Variants in HORMAD2 observed in about 807,000 individuals in gnomAD.
HORMAD2 encodes the protein HORMA domain-containing protein 2.
In HORMAD2, 45 loss-of-function variants were observed where a neutral mutation model predicts 38.8. That is an observed-to-expected ratio of 1.16 (90% CI 0.91 to 1.49). HORMAD2 has a LOEUF of 1.49. HORMAD2 is among the 40% of genes most tolerant of loss of function. HORMAD2 has a pLI of 0.00. For missense variants in HORMAD2, 338 were observed against 367.0 expected (o/e 0.92, Z 0.65); for synonymous variants, 126 against 122.8 (o/e 1.03, Z -0.17).
chr22:30,157,342 T>G (rs1022428913), intron 10 of HORMAD2, among the ~76,000 whole-genome samples: 4 of 152,192 alleles, frequency 2.6e-5, no homozygotes, highest in Non-Finnish European at 5.9e-5. Flanking sequence ...TACTTTATAT[T>G]TATGTAGTGT....
Position 30,127,220 on chromosome 22 carries a change from T to G in HORMAD2, c.819+5006T>G, listed in dbSNP as rs1400147979. On this transcript the variant is annotated intron_variant, in intron 10 of 10. Transcript: ENST00000336726. ...AGTTCTTTTTTTTTTTTTTTTTTTT[T>G]TTTTTTGAGACGGAGTCTCGCTCTG... is the stretch of plus-strand genomic sequence containing the variant. 6.0e-4 allele frequency among the ~76,000 whole-genome samples: 65 copies of G among 108,036 alleles called. No homozygotes were observed. In the East Asian group the frequency reaches 0.014, roughly 24 times the overall value. 70.9% of individuals were successfully genotyped at this position (108,036 alleles called of 152,430 possible). A position where few individuals can be genotyped will look rare whatever the true frequency, so the allele number is the denominator to read the frequency against.
the HORMAD2 span, among the ~76,000 whole-genome samples, chr22:30,204,410 A>C: frequency 6.6e-6 from 1 of 152,242 alleles, no homozygotes; most frequent in East Asian, 1.9e-4. Flanking sequence ...TGAGAAGGCT[A>C]AGATGACAGA....
chr22:30,151,208 C>T (rs1013321662), intron 10 of HORMAD2, among the ~76,000 whole-genome samples: 5 of 152,068 alleles, frequency 3.3e-5, no homozygotes, highest in East Asian at 1.9e-4. Flanking sequence ...ACTGTCTTTT[C>T]GCTTGTTCTT....
the HORMAD2 span, among the ~76,000 whole-genome samples, chr22:30,186,013 G>A: frequency 6.6e-6 from 1 of 151,788 alleles, no homozygotes; most frequent in South Asian, 2.1e-4. Context: ...TCTTGGGGGG[G>A]GAGGCATATA....
chr22:30,146,366 G>A (rs564637996), intron 10 of HORMAD2, among the ~76,000 whole-genome samples: 47 of 152,102 alleles, frequency 3.1e-4, no homozygotes, highest in African/African-American at 1.1e-3. Context: ...CTGGGGGCGC[G>A]TGCCTATAGT....
At chr22:30,129,010 C>T (rs370569485) in intron 10 of HORMAD2, among the ~76,000 whole-genome samples, 2 of 151,774 alleles carry the variant, frequency 1.3e-5, no homozygotes, top group African/African-American at 2.4e-5. Flanking sequence ...GTCAGGAGAT[C>T]GAGGCCGTCC....
chr22:30,083,056 C>T (rs971499494), intron 1 of HORMAD2, among the ~76,000 whole-genome samples: 1 of 152,058 alleles, frequency 6.6e-6, no homozygotes, highest in African/African-American at 2.4e-5. Context: ...ATTGCTTGAG[C>T]CCAGAAGTTC....
At chr22:30,122,395 A>G (rs1294855544) in intron 10 of HORMAD2, among the ~76,000 whole-genome samples, 181 bp downstream of exon 10, 2 of 152,344 alleles carry the variant, frequency 1.3e-5, no homozygotes, top group Non-Finnish European at 2.9e-5. Flanking sequence ...AATATACTTT[A>G]TCAGATGAAA....
intron 7 of HORMAD2, among the ~76,000 whole-genome samples, chr22:30,114,866 C>G (rs930276141): frequency 6.6e-6 from 1 of 152,086 alleles, no homozygotes; most frequent in African/African-American, 2.4e-5. Flanking sequence ...AGATGACCAA[C>G]GAAAGTAACT....
At position 30,138,326 on chromosome 22, in the gene HORMAD2, T is replaced by C. The variant is rs562126310; in HGVS notation, c.819+16112T>C. Among the ~76,000 whole-genome samples the C allele has an allele frequency of 2.2e-4, 33 of 151,644 alleles. 1 individual carries two copies. The South Asian group carries it at 6.9e-3, about 32-fold the overall frequency. On this transcript the variant is annotated intron_variant, in intron 10 of 10. Coordinates refer to ENST00000336726, the MANE Select transcript of HORMAD2 (RefSeq NM_152510.4). ...GACCATAGGTGTGCACCGCCATGCC[T>C]GGGTAATTTTTAAAATATTTTTGTG...
chr22:30,129,129 A>G (rs559376947), intron 10 of HORMAD2, among the ~76,000 whole-genome samples: 1 of 147,972 alleles, frequency 6.8e-6, no homozygotes, highest in Non-Finnish European at 1.5e-5. Flanking sequence ...GAGGCAGGAG[A>G]ATGGCAAAAA....
At chr22:30,202,833 G>C in the HORMAD2 span, among the ~76,000 whole-genome samples, 34 of 152,294 alleles carry the variant, frequency 2.2e-4, no homozygotes, top group African/African-American at 7.9e-4. Flanking sequence ...GAGTAGAAGG[G>C]AGAGGCCTCC....
intron 3 of HORMAD2, among the ~76,000 whole-genome samples, chr22:30,099,988 T>C (rs1359722041): frequency 1.3e-5 from 2 of 152,170 alleles, no homozygotes. Context: ...GGATTGTGTA[T>C]CATGAAAATG....
rs1381827047 is a variant in HORMAD2 at position 30,176,232 on chromosome 22, G to A, written c.*65G>A. The A allele has an allele frequency of 5.2e-5, 58 of 1,109,596 alleles. No homozygotes were observed. In the South Asian group the frequency reaches 7.8e-4, roughly 15 times the overall value. 68.7% of individuals were successfully genotyped at this position (1,109,596 alleles called of 1,614,324 possible). Reference sequence around the variant, plus strand: ...TATTTTGTAAAAACATGCATAAACTGTCTTAGCAGGAAAGTACATTCCTGT... The same window carrying A: ...TATTTTGTAAAAACATGCATAAACTATCTTAGCAGGAAAGTACATTCCTGT... On this transcript the variant is annotated 3_prime_UTR_variant, in exon 11 of 11. Transcript: ENST00000336726.
intron 10 of HORMAD2, among the ~76,000 whole-genome samples, chr22:30,166,132 G>A (rs1273043605): frequency 6.6e-6 from 1 of 151,626 alleles, no homozygotes. Flanking sequence ...CATATTATTG[G>A]AATTTTGATT....
intron 3 of HORMAD2, among the ~76,000 whole-genome samples, chr22:30,100,868 C>G (rs1920938469): frequency 6.6e-6 from 1 of 152,162 alleles, no homozygotes; most frequent in Non-Finnish European, 1.5e-5. Context: ...AGATGCAAAT[C>G]AAAACCACAA....
intron 2 of HORMAD2, among the ~76,000 whole-genome samples, chr22:30,094,495 ATAT>A (rs2068747659): frequency 6.6e-6 from 1 of 152,310 alleles, no homozygotes; most frequent in East Asian, 1.9e-4. Context: ...TTGAGACTAA[ATAT>A]TATGTAGTAT....
At chr22:30,203,789 T>C in the HORMAD2 span, among the ~76,000 whole-genome samples, 1 of 152,206 alleles carries the variant, frequency 6.6e-6, no homozygotes, top group African/African-American at 2.4e-5. Context: ...TAAGTGCACG[T>C]GCATGCATCC....
intron 1 of HORMAD2, among the ~76,000 whole-genome samples, chr22:30,081,624 G>A (rs2068476949): frequency 2.6e-5 from 4 of 151,618 alleles, no homozygotes; most frequent in Admixed American, 2.0e-4. Flanking sequence ...GTGCCAGGCT[G>A]GAGTGCAGTG....
Sources: gnomAD v4.1 joint callset for allele counts (sites outside exome capture counted in the v4.1 genomes callset) on GRCh38, gnomAD v4.1.1 for gene constraint, MANE v1.5 for transcripts, NCBI Gene and HGNC (gene_info 2026-07-23, HGNC 2026-07-21) for gene names.